The following SLC44A5 variants were observed in gnomAD, a reference collection of about 807,000 sequenced individuals.
SLC44A5 encodes the protein choline transporter-like protein 5.
Under a neutral mutation model 101.8 loss-of-function variants are expected in SLC44A5, and 57 were observed. The observed-to-expected ratio is 0.56, with a 90% CI of 0.45 to 0.70. The LOEUF (loss-of-function observed/expected upper bound fraction) is 0.70. Ranked by LOEUF, SLC44A5 falls within the 30% of genes least tolerant of loss-of-function variation. The pLI is 0.00. For synonymous variants in SLC44A5, 281 were observed against 290.9 expected, an observed-to-expected ratio of 0.97 and a Z score of 0.35; for missense variants, 737 against 853.1, an observed-to-expected ratio of 0.86 and a Z score of 1.70.
the SLC44A5 span, chr1:75,641,602 T>G: frequency 6.7e-7 from 1 of 1,500,204 alleles, no homozygotes; most frequent in South Asian, 1.1e-5. Context: ...GATTACATTC[T>G]TTGGGATTAT....
chr1:75,338,253 G>A (rs1024067073), intron 4 of SLC44A5, among the ~76,000 whole-genome samples: 4 of 152,090 alleles, frequency 2.6e-5, no homozygotes, highest in African/African-American at 4.8e-5. Flanking sequence ...TATCACAGTC[G>A]TTTAGACTTT....
At chr1:75,715,590 C>G in the SLC44A5 span, among the ~76,000 whole-genome samples, 1 of 152,180 alleles carries the variant, frequency 6.6e-6, no homozygotes, top group East Asian at 1.9e-4. Flanking sequence ...ACTGGCTACC[C>G]ATATGCAGAA....
chr1:75,645,026 T>C, the SLC44A5 span, among the ~76,000 whole-genome samples: 4 of 152,168 alleles, frequency 2.6e-5, no homozygotes, highest in Non-Finnish European at 5.9e-5. Flanking sequence ...CAGTGTATCA[T>C]TGTTGGACAT....
At chr1:75,385,330 AAGAG>A (rs1661235331) in intron 3 of SLC44A5, among the ~76,000 whole-genome samples, 1 of 149,446 alleles carries the variant, frequency 6.7e-6, no homozygotes, top group Admixed American at 6.6e-5. Context: ...TAAAGAAAAA[AAGAG>A]AGAAGAATCA....
intron 5 of SLC44A5, among the ~76,000 whole-genome samples, chr1:75,296,229 T>C (rs1255057105): frequency 6.6e-6 from 1 of 152,092 alleles, no homozygotes; most frequent in African/African-American, 2.4e-5. Flanking sequence ...CATTTCTCTA[T>C]TAAAGAAGCA....
chr1:75,314,948 C>A (rs987179148), intron 4 of SLC44A5, among the ~76,000 whole-genome samples: 14 of 152,092 alleles, frequency 9.2e-5, no homozygotes, highest in African/African-American at 3.4e-4. Flanking sequence ...AGAATACAGT[C>A]TCTTATCTGG....
the SLC44A5 span, among the ~76,000 whole-genome samples, chr1:75,681,776 G>A: frequency 2.0e-5 from 3 of 150,942 alleles, no homozygotes; most frequent in African/African-American, 7.3e-5. Context: ...GGCAGGAGAA[G>A]GAAATAAAGG....
chr1:75,209,343 G>A (rs1407964546), intron 23 of SLC44A5, among the ~76,000 whole-genome samples: 1 of 152,190 alleles, frequency 6.6e-6, no homozygotes, highest in Non-Finnish European at 1.5e-5. Flanking sequence ...AATGGGGAAG[G>A]TCACATAGTG....
chr1:75,603,855 G>A (rs1675161144), intron 1 of SLC44A5, among the ~76,000 whole-genome samples: 1 of 132,038 alleles, frequency 7.6e-6, no homozygotes, highest in Non-Finnish European at 1.6e-5. Context: ...TATTTTTAAT[G>A]GGGTTATTGG....
At chr1:75,316,961 G>A (rs1447523691) in intron 4 of SLC44A5, among the ~76,000 whole-genome samples, 1 of 152,162 alleles carries the variant, frequency 6.6e-6, no homozygotes, top group Non-Finnish European at 1.5e-5. Context: ...GCAGCAATCA[G>A]AGGGCAAATC....
At chr1:75,436,582 A>G (rs1458482417) in intron 2 of SLC44A5, among the ~76,000 whole-genome samples, 2 of 152,120 alleles carry the variant, frequency 1.3e-5, no homozygotes, top group Non-Finnish European at 2.9e-5. Flanking sequence ...GTAAATGTGA[A>G]GGCCTAGGAC....
intron 2 of SLC44A5, among the ~76,000 whole-genome samples, chr1:75,530,658 T>G (rs1670663992): frequency 6.6e-6 from 1 of 152,206 alleles, no homozygotes; most frequent in African/African-American, 2.4e-5. Flanking sequence ...ACCCACTAAT[T>G]GCTCTCAGTA....
At chr1:75,217,317 T>C (rs1192932747) in intron 18 of SLC44A5, among the ~76,000 whole-genome samples, 1 of 152,132 alleles carries the variant, frequency 6.6e-6, no homozygotes, top group Admixed American at 6.6e-5. Context: ...TTTTGATTGC[T>C]GTAGATTTAT....
intron 19 of SLC44A5, 136 bp from the exon 20 acceptor site, chr1:75,214,814 T>C: frequency 1.5e-6 from 1 of 665,614 alleles, no homozygotes; most frequent in Non-Finnish European, 2.6e-6. Flanking sequence ...TTCTAATGTG[T>C]ATTTGTGGGA....
intron 13 of SLC44A5, among the ~76,000 whole-genome samples, chr1:75,223,907 T>C (rs1318084424): frequency 1.3e-5 from 2 of 152,236 alleles, no homozygotes; most frequent in Non-Finnish European, 2.9e-5. Flanking sequence ...AAAATTGTTA[T>C]CTTCTTTGAA....
intron 4 of SLC44A5, among the ~76,000 whole-genome samples, chr1:75,315,279 T>C (rs1036456960): frequency 4.6e-5 from 7 of 152,132 alleles, no homozygotes; most frequent in Admixed American, 1.3e-4. Context: ...ATACAAAAGC[T>C]TAAAAATAAA....
the SLC44A5 span, among the ~76,000 whole-genome samples, chr1:75,680,262 C>T: frequency 6.6e-6 from 1 of 151,604 alleles, no homozygotes; most frequent in Non-Finnish European, 1.5e-5. Context: ...CCAAGCGGAC[C>T]TAATAGACAT....
intron 6 of SLC44A5, among the ~76,000 whole-genome samples, chr1:75,270,003 G>A (rs189078001): frequency 4.6e-5 from 7 of 152,150 alleles, no homozygotes; most frequent in Admixed American, 4.6e-4. Flanking sequence ...CTTTCACTTG[G>A]TTCTCATTCT....
At chr1:75,610,878 G>C (rs886659814) in intron 1 of SLC44A5, among the ~76,000 whole-genome samples, 162 bp downstream of exon 1, 2 of 151,700 alleles carry the variant, frequency 1.3e-5, no homozygotes, top group East Asian at 3.9e-4. Flanking sequence ...ACACACACAC[G>C]GAGAGGAAGT....
Sources: gnomAD v4.1 joint callset for allele counts (sites outside exome capture counted in the v4.1 genomes callset) on GRCh38, gnomAD v4.1.1 for gene constraint, MANE v1.5 for transcripts, NCBI Gene and HGNC (gene_info 2026-07-23, HGNC 2026-07-21) for gene names.